The following TFDP2 variants were observed in gnomAD, a reference collection of about 807,000 sequenced individuals.
TFDP2 encodes transcription factor Dp-2, also known as transcription factor Dp-2 (E2F dimerization partner 2).
Under a neutral mutation model 59.3 loss-of-function variants are expected in TFDP2, and 17 were observed. The observed-to-expected ratio is 0.29, with a 90% CI of 0.20 to 0.43. TFDP2 has a LOEUF of 0.43. Ranked by LOEUF, TFDP2 falls within the 20% of genes least tolerant of loss-of-function variation. The pLI, the probability that TFDP2 is intolerant of heterozygous loss-of-function variation, is 1.00. For missense variants in TFDP2, 391 were observed against 528.8 expected (o/e 0.74, Z 2.56); for synonymous variants, 180 against 194.7 (o/e 0.92, Z 0.63).
chr3:141,992,053 AAAAG>A lies in TFDP2; in HGVS notation c.356+1481_356+1484del, dbSNP rs1559987957. Among the ~76,000 whole-genome samples the A allele has an allele frequency of 2.7e-5, 4 of 149,126 alleles. No individual in the cohort carries two copies. The South Asian group carries it at 6.4e-4, about 24-fold the overall frequency. On this transcript the variant is annotated intron_variant, in intron 6 of 12. Coordinates refer to ENST00000489671, the MANE Select transcript of TFDP2 (RefSeq NM_001178139.2). ...GAAGACTCCATCTCAAAAAAAAAAA[AAAAG>A]AAAGAAAAGAAAGAAAGAAAGAAGG...
At chr3:141,959,930 G>C in intron 10 of TFDP2, 90 bp from the exon 11 acceptor site, 1 of 1,304,212 alleles carries the variant, frequency 7.7e-7, no homozygotes, top group East Asian at 2.4e-5. Flanking sequence ...CAGAATGGGG[G>C]CCTAAATCCA....
At chr3:142,072,329 G>T (rs1207196648) in intron 3 of TFDP2, among the ~76,000 whole-genome samples, 1 of 152,208 alleles carries the variant, frequency 6.6e-6, no homozygotes, top group Non-Finnish European at 1.5e-5. Context: ...TTGGCTGGGT[G>T]TAAGAAATGG....
Position 141,974,067 on chromosome 3 carries a change from T to C in TFDP2, c.644A>G (p.Gln215Arg). 3 of 1,611,444 alleles carry C rather than the reference T, an allele frequency of 1.9e-6. 1 individual carries two copies. Among genetic ancestry groups the C allele is most frequent in the South Asian group, 2.2e-5 (2 of 90,416 alleles). The change falls in exon 8 of 13, where the codon CAG becomes CGG. Residue 215 changes from glutamine (Q) to arginine (R), a missense_variant. Around this residue, in one of 3 missense-constraint regions of TFDP2, gnomAD observed 223 missense variants for 292.5 expected, o/e 0.76. Transcript: ENST00000489671. ...ACTTACCTCCAGATTCTGACATTCC[T>C]GAGCAGAATTGGTAGGCAGGCCAAT... ...KWIGLPTNSA[Q>R]ECQNLEIEKQ...
intron 3 of TFDP2, among the ~76,000 whole-genome samples, chr3:142,052,096 G>T (rs564121125): frequency 6.6e-6 from 1 of 151,942 alleles, no homozygotes; most frequent in African/African-American, 2.4e-5. Context: ...ACTGCACTCC[G>T]GCCAAGCAAG....
chr3:142,144,682 T>C (rs2063100494), intron 1 of TFDP2, among the ~76,000 whole-genome samples: 1 of 152,026 alleles, frequency 6.6e-6, no homozygotes, highest in African/African-American at 2.4e-5. Context: ...CCTGGGACTA[T>C]AGGCACATGC....
intron 1 of TFDP2, among the ~76,000 whole-genome samples, chr3:142,129,223 C>T (rs189592850): frequency 6.8e-4 from 103 of 151,708 alleles, no homozygotes; most frequent in African/African-American, 2.3e-3. Context: ...AATCAACCAA[C>T]AGCAAAGGAA....
At chr3:142,122,407 G>T (rs1278164455) in intron 1 of TFDP2, among the ~76,000 whole-genome samples, 1 of 152,116 alleles carries the variant, frequency 6.6e-6, no homozygotes, top group African/African-American at 2.4e-5. Context: ...AATTTAGTCT[G>T]CTACCTAGGA....
Position 141,952,296 on chromosome 3 carries a change from A to G in TFDP2, c.*217T>C, listed in dbSNP as rs1192955417. ...GAAAGCATGCTTTCTTTGTTATATC[A>G]TCTACTGCTCTGTTGGCCAGACTTT... On this transcript the variant is annotated 3_prime_UTR_variant, in exon 13 of 13. Transcript: ENST00000489671. The G allele has an allele frequency of 1.4e-5, 6 of 438,292 alleles. No individual in the cohort carries two copies. Among genetic ancestry groups the G allele is most frequent in the Non-Finnish European group, 2.0e-5 (5 of 254,312 alleles). 27.2% of individuals were successfully genotyped at this position (438,292 alleles called of 1,614,324 possible).
At chr3:141,994,831 T>C (rs1260167932) in intron 5 of TFDP2, 189 bp downstream of exon 5, 1 of 467,042 alleles carries the variant, frequency 2.1e-6, no homozygotes, top group East Asian at 3.4e-5. Context: ...TGTTTTTTTC[T>C]GTTTAAAAAT....
intron 1 of TFDP2, among the ~76,000 whole-genome samples, chr3:142,110,491 G>A (rs1182648062): frequency 2.6e-5 from 4 of 151,020 alleles, no homozygotes; most frequent in African/African-American, 7.3e-5. Flanking sequence ...GCGACAGAAC[G>A]AGACTCTGTC....
chr3:142,028,041 C>G (rs1946220577), intron 3 of TFDP2, among the ~76,000 whole-genome samples: 1 of 151,496 alleles, frequency 6.6e-6, no homozygotes, highest in African/African-American at 2.4e-5. Flanking sequence ...GAAAAATGTA[C>G]TAGGGAAAAA....
At chr3:142,041,237 T>C (rs1424904034) in intron 3 of TFDP2, among the ~76,000 whole-genome samples, 1 of 152,216 alleles carries the variant, frequency 6.6e-6, no homozygotes, top group Non-Finnish European at 1.5e-5. Context: ...CTTGAAAGTA[T>C]TTTCTTCCAG....
At chr3:141,995,883 CAAAAAAAA>C (rs146557075) in intron 4 of TFDP2, among the ~76,000 whole-genome samples, 22,046 of 68,280 alleles carry the variant, frequency 0.32, 1,815 homozygotes, top group East Asian at 0.36. Context: ...AACTCCATTT[CAAAAAAAA>C]AAAAAAAAAA....
At chr3:142,024,786 G>A (rs567695410) in intron 3 of TFDP2, among the ~76,000 whole-genome samples, 166 of 152,234 alleles carry the variant, frequency 1.1e-3, no homozygotes, top group African/African-American at 3.7e-3. Context: ...TTGGGAGGTC[G>A]AGGCCAGAGG....
chr3:141,981,731 A>T (rs539912166), intron 6 of TFDP2, among the ~76,000 whole-genome samples: 1 of 152,346 alleles, frequency 6.6e-6, no homozygotes, highest in African/African-American at 2.4e-5. Context: ...AATCAGAATT[A>T]GTAACAGTAG....
chr3:141,985,130 A>G (rs781177956), intron 6 of TFDP2, among the ~76,000 whole-genome samples: 5 of 152,208 alleles, frequency 3.3e-5, no homozygotes, highest in Admixed American at 6.5e-5. Context: ...GAGGATTAAA[A>G]TAAAAGTTTA....
intron 3 of TFDP2, among the ~76,000 whole-genome samples, chr3:142,088,793 A>G (rs2060899234): frequency 6.7e-6 from 1 of 149,826 alleles, no homozygotes; most frequent in South Asian, 2.1e-4. Flanking sequence ...CTTTCTTATC[A>G]GTGCTGCTGG....
chr3:142,079,260 G>A (rs566680821), intron 3 of TFDP2, among the ~76,000 whole-genome samples: 31 of 152,014 alleles, frequency 2.0e-4, no homozygotes, highest in South Asian at 6.3e-4. Flanking sequence ...CTGAGATTGC[G>A]CCATTGCACT....
intron 6 of TFDP2, among the ~76,000 whole-genome samples, chr3:141,991,006 C>T (rs977750600): frequency 1.3e-5 from 2 of 151,852 alleles, no homozygotes; most frequent in African/African-American, 4.8e-5. Context: ...TGCAGCGAGC[C>T]GAGATCACAC....
Sources: allele counts gnomAD v4.1 joint callset (sites outside exome capture counted in the v4.1 genomes callset), GRCh38; gene constraint gnomAD v4.1.1; regional missense constraint gnomAD v4.1.1; transcripts MANE v1.5; gene names NCBI Gene and HGNC (gene_info 2026-07-23, HGNC 2026-07-21).